The following HMSD variants were observed in gnomAD, a reference collection of about 807,000 sequenced individuals.
HMSD encodes histocompatibility minor serpin domain containing.
In HMSD, 13 loss-of-function variants were observed where a neutral mutation model predicts 10.0. The ratio of observed to expected loss-of-function variants is 1.31; its 90% CI spans 0.85 to 2.08. The LOEUF (loss-of-function observed/expected upper bound fraction) is 2.08, where lower values mean the gene tolerates loss of function less well. Ranked by LOEUF, HMSD falls within the 30% of genes most tolerant of loss-of-function variation. The probability of loss-of-function intolerance (pLI) is 0.00; values close to 1 mark genes in which losing one functional copy is unlikely to be tolerated. For synonymous variants in HMSD, 51 were observed against 54.2 expected, an observed-to-expected ratio of 0.94 and a Z score of 0.26; for missense variants, 169 against 166.3, an observed-to-expected ratio of 1.02 and a Z score of -0.09.
chr18:63,958,843 G>A (rs1043166632), intron 3 of HMSD, among the ~76,000 whole-genome samples: 2 of 151,984 alleles, frequency 1.3e-5, no homozygotes, highest in African/African-American at 4.8e-5. Flanking sequence ...GATTGTATAT[G>A]TTTCCCATGT....
chr18:63,963,119 T>TTC (rs1491257777), downstream of HMSD, among the ~76,000 whole-genome samples: 98 of 136,824 alleles, frequency 7.2e-4, 2 homozygotes, highest in African/African-American at 2.6e-3. Flanking sequence ...CTTTCTTTCT[T>TTC]TCTTTCTTTC....
rs2050341429 is a variant in HMSD at position 63,953,466 on chromosome 18, C to T, written c.11C>T (p.Ser4Leu). The T allele has an allele frequency of 6.2e-7, 1 of 1,613,864 alleles. No individual in the cohort carries two copies. The highest frequency in any genetic ancestry group is 1.3e-5 in the African/African-American group (1 of 75,026). The change falls in exon 2 of 4, where the codon TCA (serine) becomes TTA (leucine). Residue 4 changes from serine to leucine, a missense_variant. Ser to Leu is a moderately radical substitution (Grantham distance 145). Transcript: ENST00000408945. ...CTTATTTTTTTCCCCATGAGCATAT[C>T]ATCAGCCTTGGCCATGGTTTTCATG... MSI[S>L]SALAMVFMGA...
At chr18:63,963,146 TCTCTCTC>T, downstream of HMSD, among the ~76,000 whole-genome samples, 2 of 141,022 alleles carry the variant, frequency 1.4e-5, no homozygotes, top group African/African-American at 5.3e-5. Flanking sequence ...TTCTTTCTTC[TCTCTCTC>T]TTCTTTCTTT....
downstream of HMSD, chr18:63,966,688 C>T (rs2050411031): frequency 6.6e-6 from 1 of 152,202 alleles, no homozygotes; most frequent in Non-Finnish European, 1.5e-5. Context: ...ACTCTTCTTC[C>T]ATCACTGAAT....
At chr18:63,957,274 T>C (rs1391179037) in intron 3 of HMSD, among the ~76,000 whole-genome samples, 4 of 150,308 alleles carry the variant, frequency 2.7e-5, no homozygotes, top group Admixed American at 1.3e-4. Flanking sequence ...ACATATGCGA[T>C]AGGGAAGGGT....
chr18:63,960,384 A>G lies in HMSD; in HGVS notation c.*29A>G, dbSNP rs774489711. On this transcript the variant is annotated 3_prime_UTR_variant, in exon 4 of 4. Transcript: ENST00000408945. ...GGAGTCCTTTTTTCTCTAAACAACT[A>G]TGCAAACATTAAAACCTTTCTTTGG... The G allele has an allele frequency of 1.3e-6, 2 of 1,545,056 alleles. No individual in the cohort carries two copies. The highest frequency in any genetic ancestry group is 1.7e-6 in the Non-Finnish European group (2 of 1,149,258).
chr18:63,954,667 G>A, intron 3 of HMSD, 110 bp downstream of exon 3: 2 of 854,068 alleles, frequency 2.3e-6, no homozygotes, highest in South Asian at 1.7e-5. Context: ...AGAACTCCAC[G>A]CACGAATCTC....
chr18:63,963,044 AGTTT>A (rs2050392749), downstream of HMSD, among the ~76,000 whole-genome samples: 1 of 120,056 alleles, frequency 8.3e-6, no homozygotes, highest in Non-Finnish European at 1.7e-5. Context: ...CTTCAGATGT[AGTTT>A]TCTTTCTTTC....
chr18:63,950,229 A>C (rs1428895925), intron 1 of HMSD, among the ~76,000 whole-genome samples: 1 of 151,972 alleles, frequency 6.6e-6, no homozygotes, highest in Non-Finnish European at 1.5e-5. Flanking sequence ...CAGCCTGGCC[A>C]ATATGGTGAA....
Position 63,960,455 on chromosome 18 carries a change from C to T in HMSD, c.*100C>T, listed in dbSNP as rs1482937733. On this transcript the variant is annotated 3_prime_UTR_variant, in exon 4 of 4. Transcript: ENST00000408945. ...CCTTTTCTCTAGCTTTAGCTTTTCC[C>T]TTATCAAGTATCTGTGATGTCTCTC... is the stretch of plus-strand genomic sequence containing the variant. 4 of 1,447,052 alleles carry T rather than the reference C, an allele frequency of 2.8e-6. No homozygotes were observed. The highest frequency in any genetic ancestry group is 2.9e-5 in the African/African-American group (2 of 69,024). The allele number at this position is 1,447,052 out of a possible 1,614,324, so 89.6% of individuals were successfully genotyped here. A position where few individuals can be genotyped will look rare whatever the true frequency, so the allele number is the denominator to read the frequency against.
At chr18:63,950,256 A>C (rs1299819886) in intron 1 of HMSD, among the ~76,000 whole-genome samples, 2 of 151,810 alleles carry the variant, frequency 1.3e-5, no homozygotes, top group Non-Finnish European at 2.9e-5. Flanking sequence ...TCTCTACTAA[A>C]AATACAAAAA....
At chr18:63,965,800 G>A (rs561598618), downstream of HMSD, among the ~76,000 whole-genome samples, 114 of 152,312 alleles carry the variant, frequency 7.5e-4, no homozygotes, top group African/African-American at 2.6e-3. Context: ...ATATTCTGCA[G>A]AATATACAAG....
intron 1 of HMSD, among the ~76,000 whole-genome samples, chr18:63,952,887 A>G (rs992484261): frequency 2.0e-5 from 3 of 152,258 alleles, no homozygotes; most frequent in Non-Finnish European, 2.9e-5. Flanking sequence ...ACATAATCAC[A>G]TATGGAATAT....
At position 63,961,247 on chromosome 18, in the gene HMSD, A is replaced by G. The variant is rs2050385062; in HGVS notation, c.*892A>G. 6.6e-6 allele frequency: 1 copy of G among 151,852 alleles called. No individual in the cohort carries two copies. Among genetic ancestry groups the G allele is most frequent in the African/African-American group, 2.4e-5 (1 of 41,368 alleles). The allele number at this position is 151,852 out of a possible 1,614,324, so 9.4% of individuals were successfully genotyped here. A position where few individuals can be genotyped will look rare whatever the true frequency, so the allele number is the denominator to read the frequency against. ...ATGAGGATAATCAAATCATTTCAAT[A>G]TGAATTATGAAAATGAATGATAATG... is the stretch of plus-strand genomic sequence containing the variant. On this transcript the variant is annotated 3_prime_UTR_variant, in exon 4 of 4. Coordinates refer to ENST00000408945, the MANE Select transcript of HMSD (RefSeq NM_001123366.2).
At chr18:63,954,708 T>C (rs2050349248) in intron 3 of HMSD, 151 bp downstream of exon 3, 2 of 642,062 alleles carry the variant, frequency 3.1e-6, no homozygotes, top group Non-Finnish European at 5.3e-6. Flanking sequence ...TTTGATCATC[T>C]GTAGCACAGG....
rs771824897 is a variant in HMSD, at chr18:63,954,418, T to G, written c.83T>G (p.Phe28Cys). Residue 28 changes from phenylalanine (F) to cysteine (C), a missense_variant, in exon 3 of 4, where the codon TTT becomes TGT. Physicochemically the swap from Phe to Cys is radical, Grantham distance 205 (BLOSUM62 -2). Coordinates refer to ENST00000408945, the MANE Select transcript of HMSD (RefSeq NM_001123366.2). ...TTATTTTATTTTCAGGCACTTTGTT[T>G]TAGTAAAATCGGAGGTGAAGATGGA... The part of the protein sequence containing the change: ...TAAQMSQALC[F>C]SKIGGEDGDI... 6.2e-7 allele frequency: 1 copy of G among 1,611,580 alleles called. No homozygotes were observed. Among genetic ancestry groups the G allele is most frequent in the South Asian group, 1.1e-5 (1 of 90,832 alleles).
Position 63,953,498 on chromosome 18 carries a change from A to G in HMSD, c.43A>G (p.Lys15Glu). 1.2e-6 allele frequency: 2 copies of G among 1,613,954 alleles called. No individual in the cohort carries two copies. The highest frequency in any genetic ancestry group is 2.7e-5 in the African/African-American group (2 of 75,042). The change falls in exon 2 of 4, where the codon AAG becomes GAG. Residue 15 changes from lysine to glutamate, a missense_variant. Physicochemically the swap from Lys to Glu is moderately conservative, Grantham distance 56. Transcript: ENST00000408945. Reference protein sequence around the residue: ...SALAMVFMGAKGNTAAQMSQA... With the variant: ...SALAMVFMGAEGNTAAQMSQA... ...CTTGGCCATGGTTTTCATGGGGGCA[A>G]AGGGAAACACTGCAGCTCAGATGTC...
intron 3 of HMSD, among the ~76,000 whole-genome samples, chr18:63,956,621 G>A (rs1188829449): frequency 6.6e-6 from 1 of 152,132 alleles, no homozygotes; most frequent in East Asian, 1.9e-4. Context: ...ACACTTCCAT[G>A]CGGCTGGTGG....
chr18:63,957,074 G>A (rs574325599), intron 3 of HMSD, among the ~76,000 whole-genome samples: 78 of 152,226 alleles, frequency 5.1e-4, no homozygotes, highest in African/African-American at 1.9e-3. Flanking sequence ...GCTTACTTGA[G>A]GGAGAAGGGT....
Sources: allele counts gnomAD v4.1 joint callset (sites outside exome capture counted in the v4.1 genomes callset), GRCh38; gene constraint gnomAD v4.1.1; transcripts MANE v1.5; gene names NCBI Gene and HGNC (gene_info 2026-07-23, HGNC 2026-07-21).